Variants in TMEM178B observed in about 807,000 individuals in gnomAD.
The protein encoded by TMEM178B is transmembrane protein 178B.
Under a neutral mutation model 31.0 loss-of-function variants are expected in TMEM178B, and 5 were observed. The ratio of observed to expected loss-of-function variants is 0.16; its 90% CI spans 0.08 to 0.34. The LOEUF is 0.34. Ranked by LOEUF, TMEM178B falls within the 10% of genes least tolerant of loss-of-function variation. The pLI is 1.00. For synonymous variants in TMEM178B, 164 were observed against 164.0 expected, an observed-to-expected ratio of 1.00 and a Z score of 0.00; for missense variants, 275 against 400.3, an observed-to-expected ratio of 0.69 and a Z score of 2.67.
intron 1 of TMEM178B, among the ~76,000 whole-genome samples, chr7:141,147,054 A>T (rs1021835784): frequency 6.6e-6 from 1 of 152,230 alleles, no homozygotes; most frequent in Non-Finnish European, 1.5e-5. Context: ...ATGAGAATGT[A>T]TAAGAGTGGA....
At chr7:141,165,050 A>G (rs1194480802) in intron 1 of TMEM178B, among the ~76,000 whole-genome samples, 1 of 152,348 alleles carries the variant, frequency 6.6e-6, no homozygotes, top group Non-Finnish European at 1.5e-5. Context: ...GTTTCCGTGT[A>G]TCCTTCCTTT....
intron 1 of TMEM178B, among the ~76,000 whole-genome samples, chr7:141,100,195 C>A (rs1220965370): frequency 6.6e-6 from 1 of 151,778 alleles, no homozygotes; most frequent in East Asian, 1.9e-4. Flanking sequence ...TCAGACCCCA[C>A]ATCTGTAACA....
At chr7:141,174,993 T>C (rs891875914) in intron 1 of TMEM178B, among the ~76,000 whole-genome samples, 2 of 152,240 alleles carry the variant, frequency 1.3e-5, no homozygotes, top group East Asian at 3.8e-4. Flanking sequence ...ATTTTGGCTT[T>C]TGTTGCCATT....
At chr7:141,116,219 A>G (rs1189639213) in intron 1 of TMEM178B, among the ~76,000 whole-genome samples, 1 of 152,132 alleles carries the variant, frequency 6.6e-6, no homozygotes, top group African/African-American at 2.4e-5. Flanking sequence ...GCCAGAGACA[A>G]TTTGGTGTTC....
chr7:141,490,534 C>G, the TMEM178B span, among the ~76,000 whole-genome samples: 1 of 152,208 alleles, frequency 6.6e-6, no homozygotes, highest in African/African-American at 2.4e-5. Flanking sequence ...TCAGGGGGAA[C>G]CAACCCTGCC....
At chr7:141,392,951 G>C (rs1383029309) in intron 2 of TMEM178B, among the ~76,000 whole-genome samples, 1 of 151,768 alleles carries the variant, frequency 6.6e-6, no homozygotes, top group Non-Finnish European at 1.5e-5. Flanking sequence ...AAAAAAGACA[G>C]AGTAGTCATT....
chr7:141,287,989 C>G (rs1320608857), intron 2 of TMEM178B, among the ~76,000 whole-genome samples: 2 of 152,092 alleles, frequency 1.3e-5, no homozygotes, highest in African/African-American at 4.8e-5. Flanking sequence ...TTTTTCCCCC[C>G]CAATACGTAG....
intron 2 of TMEM178B, among the ~76,000 whole-genome samples, chr7:141,251,388 A>G (rs1797831112): frequency 6.6e-6 from 1 of 152,072 alleles, no homozygotes; most frequent in East Asian, 1.9e-4. Flanking sequence ...GGAATGGGCC[A>G]GAAAGGGGTG....
At chr7:141,261,243 C>A (rs1798007553) in intron 2 of TMEM178B, among the ~76,000 whole-genome samples, 1 of 152,010 alleles carries the variant, frequency 6.6e-6, no homozygotes, top group Non-Finnish European at 1.5e-5. Flanking sequence ...GAGGGCAGTG[C>A]GCTCTCTTCT....
chr7:141,150,018 C>A (rs1041026950), intron 1 of TMEM178B, among the ~76,000 whole-genome samples: 2 of 152,052 alleles, frequency 1.3e-5, no homozygotes, highest in African/African-American at 4.8e-5. Flanking sequence ...GGAAAGAGAG[C>A]AACTGAGGAC....
chr7:141,079,974 C>T (rs1272043629), intron 1 of TMEM178B, among the ~76,000 whole-genome samples: 1 of 152,190 alleles, frequency 6.6e-6, no homozygotes, highest in African/African-American at 2.4e-5. Context: ...ACTCTACCAT[C>T]ATCTTAGAAT....
At chr7:141,230,159 T>C (rs1797417811) in intron 2 of TMEM178B, among the ~76,000 whole-genome samples, 2 of 152,214 alleles carry the variant, frequency 1.3e-5, no homozygotes, top group Admixed American at 6.5e-5. Flanking sequence ...ATAATAATGT[T>C]ATAATGATAA....
chr7:141,158,263 T>G (rs2129181279), intron 1 of TMEM178B, among the ~76,000 whole-genome samples: 1 of 152,162 alleles, frequency 6.6e-6, no homozygotes, highest in Non-Finnish European at 1.5e-5. Context: ...GCCCGGCTAA[T>G]TTTTGTATTT....
chr7:141,293,152 G>A (rs530258434), intron 2 of TMEM178B, among the ~76,000 whole-genome samples: 15 of 152,250 alleles, frequency 9.9e-5, no homozygotes, highest in African/African-American at 3.4e-4. Flanking sequence ...ACTCATCTGG[G>A]GTTTGGAGAT....
rs1173802536 is a variant in TMEM178B at position 141,470,666 on chromosome 7, A to G, written c.765A>G (p.Ala255=). 1.3e-6 allele frequency: 2 copies of G among 1,535,804 alleles called. No individual in the cohort carries two copies. The highest frequency in any genetic ancestry group is 2.4e-5 in the East Asian group (1 of 40,898). ...SHGYGWSMFC[A]WGGLGLTLIS... is the part of the protein sequence containing the mutation. ...GCTATGGCTGGTCCATGTTCTGTGC[A>G]TGGGGGGGCCTGGGCCTCACACTCA... Residue 255 remains alanine (A), a synonymous_variant, in exon 4 of 4, where the codon GCA becomes GCG. Coordinates refer to ENST00000565468, the MANE Select transcript of TMEM178B (RefSeq NM_001195278.2).
intron 1 of TMEM178B, among the ~76,000 whole-genome samples, chr7:141,203,918 A>G (rs950558007): frequency 2.0e-5 from 3 of 152,214 alleles, no homozygotes; most frequent in Non-Finnish European, 4.4e-5. Context: ...CTGGACTAAT[A>G]GAGTCTATCC....
chr7:141,445,989 CA>C (rs2116694892), intron 3 of TMEM178B, among the ~76,000 whole-genome samples: 1 of 152,260 alleles, frequency 6.6e-6, no homozygotes, highest in Admixed American at 6.5e-5. Flanking sequence ...GTGCAGATTT[CA>C]ATATTTATTA....
intron 2 of TMEM178B, among the ~76,000 whole-genome samples, chr7:141,275,355 G>A (rs1221427088): frequency 6.6e-6 from 1 of 152,206 alleles, no homozygotes; most frequent in African/African-American, 2.4e-5. Flanking sequence ...TATAGCTGCA[G>A]TTTTTATGAA....
intron 1 of TMEM178B, among the ~76,000 whole-genome samples, chr7:141,136,596 T>C (rs532568344): frequency 6.6e-6 from 1 of 152,250 alleles, no homozygotes; most frequent in African/African-American, 2.4e-5. Flanking sequence ...ACCTGTAGAA[T>C]GGTAGAAAAG....
Sources: allele counts gnomAD v4.1 joint callset (sites outside exome capture counted in the v4.1 genomes callset), GRCh38; gene constraint gnomAD v4.1.1; transcripts MANE v1.5; gene names NCBI Gene and HGNC (gene_info 2026-07-23, HGNC 2026-07-21).